The following NKAIN2 variants were observed in gnomAD, a reference collection of about 807,000 sequenced individuals.
NKAIN2 encodes the protein sodium/potassium transporting ATPase interacting 2.
In NKAIN2, 14 loss-of-function variants were observed where a neutral mutation model predicts 32.6. That is an observed-to-expected ratio of 0.43 (90% CI 0.28 to 0.67). The LOEUF (loss-of-function observed/expected upper bound fraction) is 0.67, where lower values mean the gene tolerates loss of function less well. NKAIN2 is among the 30% of genes least tolerant of loss of function. The probability of loss-of-function intolerance (pLI) is 0.17; values close to 1 mark genes in which losing one functional copy is unlikely to be tolerated. For synonymous variants in NKAIN2, 80 were observed against 87.2 expected (o/e 0.92, Z 0.46); for missense variants, 198 against 258.3 (o/e 0.77, Z 1.60).
chr6:124,074,780 T>A (rs1020047686), intron 1 of NKAIN2, among the ~76,000 whole-genome samples: 3 of 152,168 alleles, frequency 2.0e-5, no homozygotes, highest in African/African-American at 7.2e-5. Flanking sequence ...GGAACTGGTG[T>A]TTCTGTTTTA....
At chr6:124,793,406 A>G (rs1253230010) in intron 5 of NKAIN2, among the ~76,000 whole-genome samples, 1 of 152,126 alleles carries the variant, frequency 6.6e-6, no homozygotes, top group African/African-American at 2.4e-5. Flanking sequence ...GTGTGGACCA[A>G]ACAAACTATG....
chr6:123,910,032 G>C (rs1387990086), intron 1 of NKAIN2, among the ~76,000 whole-genome samples: 2 of 152,022 alleles, frequency 1.3e-5, no homozygotes, highest in Admixed American at 6.6e-5. Context: ...ATTTTAAATG[G>C]CTTTTAAAGA....
At chr6:123,938,493 A>G (rs912417879) in intron 1 of NKAIN2, among the ~76,000 whole-genome samples, 3 of 136,238 alleles carry the variant, frequency 2.2e-5, no homozygotes, top group Non-Finnish European at 4.7e-5. Flanking sequence ...TATATAATAT[A>G]TATTTATATA....
At position 124,791,346 on chromosome 6, in the gene NKAIN2, G is replaced by C; in HGVS notation, c.482G>C (p.Gly161Ala). The change falls in exon 5 of 7, where the codon GGT (glycine) becomes GCT (alanine). Residue 161 changes from glycine to alanine, a missense_variant. Gly to Ala is a moderately conservative substitution (Grantham distance 60). Coordinates refer to ENST00000368417, the MANE Select transcript of NKAIN2 (RefSeq NM_001040214.3). ...ATCTCTGTTTTGTTTCAGCTGGCAG[G>C]TTTCATCTACGCCTGTTATGTTGTG... Reference protein sequence around the residue: ...SSLQIVLALAGFIYACYVVKC... With the variant: ...SSLQIVLALAAFIYACYVVKC... 1.9e-6 allele frequency: 3 copies of C among 1,608,354 alleles called. No homozygotes were observed. The highest frequency in any genetic ancestry group is 2.6e-6 in the Non-Finnish European group (3 of 1,175,926).
At chr6:124,295,067 A>G (rs1795991719) in intron 2 of NKAIN2, among the ~76,000 whole-genome samples, 1 of 152,170 alleles carries the variant, frequency 6.6e-6, no homozygotes, top group Non-Finnish European at 1.5e-5. Flanking sequence ...AAGTGAAGCG[A>G]CTACCATATT....
intron 2 of NKAIN2, among the ~76,000 whole-genome samples, chr6:124,321,204 T>C (rs1797172352): frequency 6.6e-6 from 1 of 152,200 alleles, no homozygotes; most frequent in Non-Finnish European, 1.5e-5. Flanking sequence ...TTGATTACTT[T>C]AAAATCCCCA....
intron 4 of NKAIN2, among the ~76,000 whole-genome samples, chr6:124,760,922 C>A (rs1778235555): frequency 6.6e-6 from 1 of 152,084 alleles, no homozygotes; most frequent in Admixed American, 6.6e-5. Flanking sequence ...ATTATTGTAT[C>A]CAACTACACA....
At chr6:124,368,150 T>C (rs1799603967) in intron 3 of NKAIN2, among the ~76,000 whole-genome samples, 1 of 152,134 alleles carries the variant, frequency 6.6e-6, no homozygotes, top group Non-Finnish European at 1.5e-5. Flanking sequence ...TAGTTTTTCT[T>C]TATTTTCATT....
At chr6:124,615,693 C>T (rs1344242480) in intron 3 of NKAIN2, among the ~76,000 whole-genome samples, 2 of 146,728 alleles carry the variant, frequency 1.4e-5, no homozygotes, top group African/African-American at 5.1e-5. Flanking sequence ...CTGACCCTTT[C>T]TGTCTTTCCT....
At chr6:124,561,942 C>T (rs1219461121) in intron 3 of NKAIN2, among the ~76,000 whole-genome samples, 2 of 152,190 alleles carry the variant, frequency 1.3e-5, no homozygotes, top group Non-Finnish European at 1.5e-5. Context: ...TTCAAGTGAA[C>T]TGACTTCAAT....
chr6:124,779,066 T>C (rs1779117972), intron 4 of NKAIN2, among the ~76,000 whole-genome samples: 1 of 151,936 alleles, frequency 6.6e-6, no homozygotes, highest in Non-Finnish European at 1.5e-5. Flanking sequence ...CAAAACTTCC[T>C]CTCTACTAAA....
chr6:124,643,589 T>C (rs1418917255), intron 3 of NKAIN2, among the ~76,000 whole-genome samples: 5 of 152,192 alleles, frequency 3.3e-5, no homozygotes, highest in Non-Finnish European at 7.3e-5. Context: ...TATCTTACTA[T>C]CTTATATAGA....
At chr6:124,283,823 T>C (rs904658727) in intron 2 of NKAIN2, among the ~76,000 whole-genome samples, 3 of 152,188 alleles carry the variant, frequency 2.0e-5, no homozygotes, top group African/African-American at 7.2e-5. Flanking sequence ...TTTTTCTTTT[T>C]AGTTTCATCA....
rs546762433 is a variant in NKAIN2, at chr6:124,283,854, T to C, written c.192+712T>C. ...CATCATTTTTTCTATTTCTTCTATTTTTGACAAAGGAAATGTCTATAGGCA... is the reference window on the plus strand; with the variant it reads ...CATCATTTTTTCTATTTCTTCTATTCTTGACAAAGGAAATGTCTATAGGCA... On this transcript the variant is annotated intron_variant, in intron 2 of 6. Transcript: ENST00000368417. 5.3e-5 allele frequency among the ~76,000 whole-genome samples: 8 copies of C among 152,306 alleles called. No homozygotes were observed. The South Asian group carries it at 1.5e-3, about 28-fold the overall frequency.
At chr6:124,281,236 T>C (rs1319100315) in intron 1 of NKAIN2, among the ~76,000 whole-genome samples, 1 of 152,196 alleles carries the variant, frequency 6.6e-6, no homozygotes, top group Admixed American at 6.6e-5. Context: ...CACTATTTAT[T>C]CATAAAATAA....
intron 1 of NKAIN2, among the ~76,000 whole-genome samples, chr6:124,205,518 T>G (rs907395046): frequency 7.9e-5 from 12 of 151,744 alleles, no homozygotes; most frequent in African/African-American, 2.9e-4. Flanking sequence ...TGTTTGTTTG[T>G]TTTTTTCACT....
At chr6:124,066,381 C>G (rs1783179298) in intron 1 of NKAIN2, among the ~76,000 whole-genome samples, 1 of 152,130 alleles carries the variant, frequency 6.6e-6, no homozygotes, top group Non-Finnish European at 1.5e-5. Flanking sequence ...TTCTCCTTTT[C>G]TGGTTGTGGC....
At chr6:124,495,714 A>G (rs1778037724) in intron 3 of NKAIN2, among the ~76,000 whole-genome samples, 1 of 152,138 alleles carries the variant, frequency 6.6e-6, no homozygotes. Context: ...AAGAGATGAC[A>G]TTTCAGAGTA....
chr6:124,211,702 T>A (rs1227175757), intron 1 of NKAIN2, among the ~76,000 whole-genome samples: 2 of 152,054 alleles, frequency 1.3e-5, no homozygotes, highest in Non-Finnish European at 2.9e-5. Flanking sequence ...TGTAGATATA[T>A]AATCTGATAC....
Sources: gnomAD v4.1 joint callset for allele counts (sites outside exome capture counted in the v4.1 genomes callset) on GRCh38, gnomAD v4.1.1 for gene constraint, MANE v1.5 for transcripts, NCBI Gene and HGNC (gene_info 2026-07-23, HGNC 2026-07-21) for gene names.